The following NDNF variants were observed in gnomAD, a reference collection of about 807,000 sequenced individuals.
NDNF encodes neuron derived neurotrophic factor.
In NDNF, 16 loss-of-function variants were observed where a neutral mutation model predicts 42.0. The observed-to-expected ratio is 0.38, with a 90% CI of 0.26 to 0.58. The LOEUF (loss-of-function observed/expected upper bound fraction) is 0.58. Among genes scored for constraint, NDNF ranks in the 20% least tolerant of loss-of-function variants. NDNF has a pLI of 0.67. For synonymous variants in NDNF, 248 were observed against 251.7 expected (o/e 0.99, Z 0.14); for missense variants, 616 against 666.2 (o/e 0.92, Z 0.83).
chr4:121,058,678 A>G (rs1727344950), intron 1 of NDNF, among the ~76,000 whole-genome samples: 2 of 152,066 alleles, frequency 1.3e-5, no homozygotes, highest in African/African-American at 4.8e-5. Flanking sequence ...ATGTCCTATT[A>G]ATCCTCAAAT....
intron 2 of NDNF, 112 bp downstream of exon 2, chr4:121,045,538 G>T: frequency 1.2e-6 from 1 of 841,828 alleles, no homozygotes; most frequent in Non-Finnish European, 1.9e-6. Context: ...AATCGGTAAT[G>T]CCATTCATAG....
At chr4:121,041,775 G>A (rs983420298) in intron 2 of NDNF, among the ~76,000 whole-genome samples, 1 of 152,108 alleles carries the variant, frequency 6.6e-6, no homozygotes, top group African/African-American at 2.4e-5. Context: ...AAGCATCCCC[G>A]AAGAAATGAC....
intron 1 of NDNF, among the ~76,000 whole-genome samples, chr4:121,067,601 T>C (rs1055118435): frequency 2.0e-5 from 3 of 152,158 alleles, no homozygotes; most frequent in South Asian, 2.1e-4. Context: ...TTGAAAAAAA[T>C]TGGCATTGTA....
At chr4:121,059,754 A>C (rs1727371012) in intron 1 of NDNF, among the ~76,000 whole-genome samples, 1 of 152,220 alleles carries the variant, frequency 6.6e-6, no homozygotes, top group South Asian at 2.1e-4. Context: ...ATGCGCACAG[A>C]AATCGCTCTT....
In NDNF at chr4:121,045,710, G is replaced by A. The variant is rs770226517; in HGVS notation, c.128C>T (p.Ser43Leu). 7 of 1,614,080 alleles carry A rather than the reference G, an allele frequency of 4.3e-6. No homozygotes were observed. The highest frequency in any genetic ancestry group is 5.1e-6 in the Non-Finnish European group (6 of 1,180,004). Reference protein sequence around the residue: ...QIRDKAFFHDSSVIPDGAEIS... With the variant: ...QIRDKAFFHDLSVIPDGAEIS... ...TTCAGCTCCATCTGGAATTACTGAC[G>A]AATCATGAAAAAATGCCTTGTCCCG... Residue 43 changes from serine to leucine, a missense_variant, in exon 2 of 4, where the codon TCG (serine) becomes TTG (leucine). Physicochemically the swap from Ser to Leu is moderately radical, Grantham distance 145 (BLOSUM62 -2). Coordinates refer to ENST00000379692, the MANE Select transcript of NDNF (RefSeq NM_024574.4).
At chr4:121,044,152 G>C (rs1304575033) in intron 2 of NDNF, among the ~76,000 whole-genome samples, 1 of 152,162 alleles carries the variant, frequency 6.6e-6, no homozygotes, top group African/African-American at 2.4e-5. Context: ...GTTCACTCTA[G>C]TTAATGTAGG....
intron 1 of NDNF, among the ~76,000 whole-genome samples, chr4:121,063,141 T>A (rs962669824): frequency 2.0e-5 from 3 of 152,200 alleles, no homozygotes; most frequent in Non-Finnish European, 4.4e-5. Context: ...AACTCTTGCC[T>A]CTCAAGAATG....
At chr4:121,067,470 G>C (rs908505545) in intron 1 of NDNF, among the ~76,000 whole-genome samples, 2 of 152,088 alleles carry the variant, frequency 1.3e-5, no homozygotes, top group Non-Finnish European at 2.9e-5. Context: ...GTTTCCAAAG[G>C]ATATGGAAGT....
chr4:121,037,872 T>G, intron 3 of NDNF: 1 of 406,068 alleles, frequency 2.5e-6, no homozygotes, highest in Non-Finnish European at 4.3e-6. Context: ...ATAAATTATT[T>G]CTTCAGAGCA....
intron 2 of NDNF, among the ~76,000 whole-genome samples, chr4:121,044,378 G>A (rs1217442074): frequency 2.0e-5 from 3 of 152,110 alleles, no homozygotes; most frequent in Non-Finnish European, 4.4e-5. Flanking sequence ...AGGTTAGAAG[G>A]AGCAACTGGT....
At chr4:121,054,108 G>C (rs536167169) in intron 1 of NDNF, among the ~76,000 whole-genome samples, 1 of 152,304 alleles carries the variant, frequency 6.6e-6, no homozygotes, top group South Asian at 2.1e-4. Context: ...TCTTCAGTAA[G>C]TCACTCCATG....
At chr4:121,040,845 G>C (rs1433143434) in intron 2 of NDNF, among the ~76,000 whole-genome samples, 1 of 152,076 alleles carries the variant, frequency 6.6e-6, no homozygotes, top group Non-Finnish European at 1.5e-5. Context: ...GGGTCTCACT[G>C]TGGTGCTCTG....
chr4:121,058,579 G>A (rs1727343462), intron 1 of NDNF, among the ~76,000 whole-genome samples: 3 of 152,146 alleles, frequency 2.0e-5, no homozygotes, highest in East Asian at 1.9e-4. Context: ...CGAAGATGCT[G>A]CATGAAAATC....
chr4:121,042,253 G>A (rs1727011300), intron 2 of NDNF, among the ~76,000 whole-genome samples: 1 of 152,138 alleles, frequency 6.6e-6, no homozygotes, highest in Admixed American at 6.5e-5. Context: ...TACTAAATAA[G>A]TAAATAAAAC....
At chr4:121,065,039 G>A (rs2148772490) in intron 1 of NDNF, among the ~76,000 whole-genome samples, 1 of 152,220 alleles carries the variant, frequency 6.6e-6, no homozygotes, top group South Asian at 2.1e-4. Context: ...GGGCTCAAGT[G>A]GTCCTCCAGC....
chr4:121,041,123 T>C (rs1445189057), intron 2 of NDNF, among the ~76,000 whole-genome samples: 3 of 152,226 alleles, frequency 2.0e-5, no homozygotes, highest in Non-Finnish European at 4.4e-5. Flanking sequence ...TACTCTGTGC[T>C]TTCCCCTGAG....
intron 1 of NDNF, among the ~76,000 whole-genome samples, chr4:121,066,338 C>T (rs1339984608): frequency 6.6e-6 from 1 of 152,152 alleles, no homozygotes; most frequent in Non-Finnish European, 1.5e-5. Flanking sequence ...CAACAAATCT[C>T]TCTTCAATTA....
At chr4:121,065,547 T>A (rs1727485426) in intron 1 of NDNF, among the ~76,000 whole-genome samples, 2 of 151,716 alleles carry the variant, frequency 1.3e-5, no homozygotes, top group Non-Finnish European at 2.9e-5. Context: ...ATTTCAAATG[T>A]CCTTTTCTAA....
At chr4:121,057,383 G>C (rs954438282) in intron 1 of NDNF, among the ~76,000 whole-genome samples, 28 of 152,164 alleles carry the variant, frequency 1.8e-4, no homozygotes, top group Non-Finnish European at 3.8e-4. Context: ...ACAAACACTG[G>C]TCTCCCAGTC....
Sources: gnomAD v4.1 joint callset for allele counts (sites outside exome capture counted in the v4.1 genomes callset) on GRCh38, gnomAD v4.1.1 for gene constraint, MANE v1.5 for transcripts, NCBI Gene and HGNC (gene_info 2026-07-23, HGNC 2026-07-21) for gene names.